The following MAPK4 variants were observed in gnomAD, a reference collection of about 807,000 sequenced individuals.
MAPK4 encodes the protein Erk3-related.
In MAPK4, 22 loss-of-function variants were observed where a neutral mutation model predicts 47.7. The ratio of observed to expected loss-of-function variants is 0.46; its 90% CI spans 0.33 to 0.66. MAPK4 has a LOEUF of 0.66. MAPK4 is among the 30% of genes least tolerant of loss of function. The probability of loss-of-function intolerance (pLI) is 0.02; values close to 1 mark genes in which losing one functional copy is unlikely to be tolerated. For synonymous variants in MAPK4, 390 were observed against 365.7 expected (o/e 1.07, Z -0.76); for missense variants, 736 against 831.7 (o/e 0.88, Z 1.42).
In MAPK4 at chr18:50,598,748, G is replaced by A. The variant is rs539574045; in HGVS notation, c.-871+38505G>A. Among the ~76,000 whole-genome samples, 21 of 152,256 alleles carry A rather than the reference G, an allele frequency of 1.4e-4. No individual in the cohort carries two copies. The South Asian group carries it at 1.7e-3, about 12-fold the overall frequency. On this transcript the variant is annotated intron_variant, in intron 1 of 5. Transcript: ENST00000400384. ...TGCACTTAGTTGTCATGTCTCCTCC[G>A]CTCTGAGTTTCTTGGTCTTCCCTTG...
At chr18:50,615,527 T>C (rs1056631603) in intron 1 of MAPK4, among the ~76,000 whole-genome samples, 1 of 152,178 alleles carries the variant, frequency 6.6e-6, no homozygotes, top group Non-Finnish European at 1.5e-5. Flanking sequence ...CCCCTCTTTT[T>C]CCAGACCTGA....
At chr18:50,719,956 C>G (rs1243674051) in intron 3 of MAPK4, among the ~76,000 whole-genome samples, 1 of 152,186 alleles carries the variant, frequency 6.6e-6, no homozygotes. Flanking sequence ...ACACCTTCCC[C>G]GGAAGTCCTT....
chr18:50,622,172 T>C (rs1247780694), intron 1 of MAPK4, among the ~76,000 whole-genome samples: 6 of 152,120 alleles, frequency 3.9e-5, no homozygotes, highest in African/African-American at 1.4e-4. Context: ...TTTTCAACCA[T>C]GTATTTTTTA....
intron 1 of MAPK4, among the ~76,000 whole-genome samples, chr18:50,567,547 A>G (rs1327777934): frequency 2.0e-5 from 3 of 152,240 alleles, no homozygotes; most frequent in Non-Finnish European, 4.4e-5. Flanking sequence ...CTTTACCAAA[A>G]TGGTGTACCA....
intron 4 of MAPK4, among the ~76,000 whole-genome samples, chr18:50,723,580 G>C (rs989210416): frequency 6.6e-6 from 1 of 152,160 alleles, no homozygotes; most frequent in African/African-American, 2.4e-5. Context: ...AGTATTTTCT[G>C]GGGCAGGTGT....
intron 1 of MAPK4, among the ~76,000 whole-genome samples, chr18:50,636,080 G>A (rs1164077396): frequency 6.6e-6 from 1 of 152,144 alleles, no homozygotes; most frequent in Non-Finnish European, 1.5e-5. Context: ...TGGGGCCTTT[G>A]CACACCCATT....
intron 1 of MAPK4, among the ~76,000 whole-genome samples, chr18:50,568,136 C>T (rs1216768433): frequency 6.7e-6 from 1 of 149,620 alleles, no homozygotes; most frequent in Non-Finnish European, 1.5e-5. Flanking sequence ...GTGGAGCTTG[C>T]AGTGAGCCGA....
intron 1 of MAPK4, among the ~76,000 whole-genome samples, chr18:50,643,487 C>T (rs1415349589): frequency 2.6e-5 from 4 of 152,252 alleles, no homozygotes; most frequent in South Asian, 2.1e-4. Flanking sequence ...CGCGCCACTG[C>T]GCTCCAGCTT....
At chr18:50,670,048 G>A (rs9959430) in intron 2 of MAPK4, 72,118 of 151,654 alleles carry the variant, frequency 0.48, 17,373 homozygotes, top group South Asian at 0.54. Flanking sequence ...AGTCCCAGCT[G>A]CTTGGGAGGC....
chr18:50,605,544 C>T lies in MAPK4; in HGVS notation c.-871+45301C>T, dbSNP rs573379250. ...TTTATGCCCCTGCTCCTATGGCCAG[C>T]GTGTTTGTCCTCAAAAGTTTTTCCA... On this transcript the variant is annotated intron_variant, in intron 1 of 5. Transcript: ENST00000400384. Among the ~76,000 whole-genome samples the T allele has an allele frequency of 6.6e-5, 10 of 152,294 alleles. No homozygotes were observed. In the South Asian group the frequency reaches 8.3e-4, roughly 13 times the overall value.
chr18:50,589,623 A>G (rs1206650665), intron 1 of MAPK4, among the ~76,000 whole-genome samples: 2 of 151,914 alleles, frequency 1.3e-5, no homozygotes, highest in Non-Finnish European at 2.9e-5. Context: ...ATTAACTCTA[A>G]ATGCATGACC....
At chr18:50,613,820 G>C (rs2042660269) in intron 1 of MAPK4, among the ~76,000 whole-genome samples, 1 of 152,134 alleles carries the variant, frequency 6.6e-6, no homozygotes, top group Non-Finnish European at 1.5e-5. Context: ...GACTTATCTA[G>C]GAAGTAAGCC....
At chr18:50,661,736 C>CT (rs1260221413) in intron 1 of MAPK4, among the ~76,000 whole-genome samples, 1 of 152,200 alleles carries the variant, frequency 6.6e-6, no homozygotes, top group East Asian at 1.9e-4. Flanking sequence ...AGATAAGGAC[C>CT]ACGGGCCTTG....
rs190502643 is a variant in MAPK4, at chr18:50,698,980, G to T, written c.547-16099G>T. ...GCAGAGGCTGCAGTGAGTCAAGATC[G>T]TGCCACTGCACTCCAGCCTGGGCAA... On this transcript the variant is annotated intron_variant, in intron 2 of 5. Coordinates refer to ENST00000400384, the MANE Select transcript of MAPK4 (RefSeq NM_002747.4). 5.4e-3 allele frequency among the ~76,000 whole-genome samples: 824 copies of T among 152,112 alleles called. 3 individuals are homozygous for T. Among genetic ancestry groups the T allele is most frequent in the African/African-American group, 0.018 (766 of 41,500 alleles).
At chr18:50,562,440 A>C (rs2149354242) in intron 1 of MAPK4, among the ~76,000 whole-genome samples, 4 of 145,882 alleles carry the variant, frequency 2.7e-5, no homozygotes, top group Non-Finnish European at 6.0e-5. Flanking sequence ...AAAAAAAGAC[A>C]CCTCCTAAAC....
chr18:50,718,910 C>T (rs886435297), intron 3 of MAPK4, among the ~76,000 whole-genome samples: 3 of 151,612 alleles, frequency 2.0e-5, no homozygotes, highest in Non-Finnish European at 4.4e-5. Context: ...GGTGGAACCC[C>T]GTCTCTACTA....
chr18:50,562,810 A>G (rs1201304852), intron 1 of MAPK4, among the ~76,000 whole-genome samples: 1 of 152,252 alleles, frequency 6.6e-6, no homozygotes, highest in Non-Finnish European at 1.5e-5. Context: ...TGAGATAAAC[A>G]TGTAAAATGA....
rs201688372 is a variant in MAPK4, at chr18:50,726,111, G to A, written c.1003G>A (p.Asp335Asn). 15 of 1,614,004 alleles carry A rather than the reference G, an allele frequency of 9.3e-6. No individual in the cohort carries two copies. Among genetic ancestry groups the A allele is most frequent in the Non-Finnish European group, 1.2e-5 (14 of 1,180,018 alleles). Reference sequence around the variant, plus strand: ...CCCCTTCCGCATTGAGGATGAGATCGACGACATCGTGCTGATGGCCGCTAA... The same window carrying A: ...CCCCTTCCGCATTGAGGATGAGATCAACGACATCGTGCTGATGGCCGCTAA... ...QHPFRIEDEI[D>N]DIVLMAANQS... The change falls in exon 5 of 6, where the codon GAC becomes AAC. Residue 335 changes from aspartate (D) to asparagine (N), a missense_variant. Transcript: ENST00000400384.
intron 5 of MAPK4, 44 bp downstream of exon 5, chr18:50,726,219 C>T: frequency 6.3e-7 from 1 of 1,585,006 alleles, no homozygotes; most frequent in Non-Finnish European, 8.6e-7. Flanking sequence ...TCCCTGTCCT[C>T]CCATCTCTAT....
Sources: allele counts gnomAD v4.1 joint callset (sites outside exome capture counted in the v4.1 genomes callset), GRCh38; gene constraint gnomAD v4.1.1; transcripts MANE v1.5; gene names NCBI Gene and HGNC (gene_info 2026-07-23, HGNC 2026-07-21).